Variants in CAMK2A observed in about 807,000 individuals in gnomAD.
CAMK2A encodes the protein calcium/calmodulin-dependent protein kinase type II subunit alpha.
CAMK2A carries 7 observed loss-of-function variants against 79.2 expected under a neutral mutation model. The observed-to-expected ratio is 0.09, with a 90% CI of 0.05 to 0.17. The LOEUF is 0.17. CAMK2A is among the 10% of genes least tolerant of loss of function. CAMK2A has a pLI of 1.00. For missense variants in CAMK2A, 214 were observed against 646.4 expected, an observed-to-expected ratio of 0.33 and a Z score of 7.25; for synonymous variants, 242 against 251.7, an observed-to-expected ratio of 0.96 and a Z score of 0.36.
Position 150,238,766 on chromosome 5 carries a change from G to A in CAMK2A, c.1018-18C>T. 1 of 1,593,032 alleles carries A rather than the reference G, an allele frequency of 6.3e-7. No individual in the cohort carries two copies. Among genetic ancestry groups the A allele is most frequent in the Non-Finnish European group, 8.6e-7 (1 of 1,167,714 alleles). ...GAGGATTCCTGCCAAAGAGAATACA[G>A]GAGATGGTGAGGCCTGCCTGGGAGC... On this transcript the variant is annotated intron_variant, in intron 14 of 18. Coordinates refer to ENST00000671881, the MANE Select transcript of CAMK2A (RefSeq NM_015981.4).
At chr5:150,272,224 A>G (rs1192419553) in intron 2 of CAMK2A, among the ~76,000 whole-genome samples, 1 of 152,108 alleles carries the variant, frequency 6.6e-6, no homozygotes, top group African/African-American at 2.4e-5. Flanking sequence ...AGTAAACAGG[A>G]TGAGTCTAGG....
intron 13 of CAMK2A, among the ~76,000 whole-genome samples, chr5:150,244,936 C>T (rs1420549226): frequency 1.3e-5 from 2 of 152,154 alleles, no homozygotes; most frequent in Non-Finnish European, 2.9e-5. Context: ...CACTTCCACC[C>T]TCCTCCAGTC....
intron 4 of CAMK2A, 89 bp downstream of exon 4, chr5:150,257,474 G>C (rs1002801386): frequency 1.6e-5 from 19 of 1,158,012 alleles, no homozygotes; most frequent in African/African-American, 6.1e-5. Context: ...GACCACAAGA[G>C]GGAATTCAGC....
intron 3 of CAMK2A, among the ~76,000 whole-genome samples, chr5:150,258,329 T>C (rs1281852553): frequency 6.6e-6 from 1 of 152,202 alleles, no homozygotes; most frequent in Non-Finnish European, 1.5e-5. Flanking sequence ...CCACATCCTG[T>C]CAGTCAAGAG....
chr5:150,287,729 G>A (rs978916687), intron 1 of CAMK2A, among the ~76,000 whole-genome samples: 2 of 152,090 alleles, frequency 1.3e-5, no homozygotes, highest in Non-Finnish European at 1.5e-5. Context: ...GGTTCTAGGC[G>A]AGCACTGGAA....
intron 1 of CAMK2A, among the ~76,000 whole-genome samples, chr5:150,286,355 G>A (rs1221676771): frequency 6.6e-6 from 1 of 152,184 alleles, no homozygotes; most frequent in African/African-American, 2.4e-5. Context: ...CCCAGTCACA[G>A]GTTCCCAGAG....
intron 12 of CAMK2A, 54 bp downstream of exon 12, chr5:150,247,718 C>A (rs761053449): frequency 1.4e-6 from 2 of 1,459,256 alleles, no homozygotes; most frequent in East Asian, 2.3e-5. Flanking sequence ...CAGGACGGTG[C>A]CCCCAACGAA....
chr5:150,231,423 A>G, intron 15 of CAMK2A, 43 bp from the exon 16 acceptor site: 1 of 675,908 alleles, frequency 1.5e-6, no homozygotes, highest in Non-Finnish European at 2.2e-6. Context: ...TAATAATAAT[A>G]ATAATAATAA....
intron 1 of CAMK2A, among the ~76,000 whole-genome samples, 165 bp downstream of exon 1, chr5:150,289,399 G>A (rs549922027): frequency 3.9e-5 from 6 of 152,214 alleles, no homozygotes; most frequent in African/African-American, 7.2e-5. Context: ...ACCCACGCCC[G>A]ACTCTGGACA....
At chr5:150,250,330 G>T (rs1342165240) in intron 10 of CAMK2A, 21 bp from the exon 11 acceptor site, 1 of 1,603,218 alleles carries the variant, frequency 6.2e-7, no homozygotes. Flanking sequence ...TAGGGGAGAG[G>T]GCTGTGAGTG....
chr5:150,262,461 G>C (rs1283235951), intron 3 of CAMK2A, among the ~76,000 whole-genome samples: 1 of 152,088 alleles, frequency 6.6e-6, no homozygotes, highest in Non-Finnish European at 1.5e-5. Flanking sequence ...AGCTCCTCTG[G>C]GGTCTTCCTG....
rs10069601 is a variant in CAMK2A at position 150,225,241 on chromosome 5, C to A, written c.1238-2024G>T. On this transcript the variant is annotated intron_variant, in intron 17 of 18. Coordinates refer to ENST00000671881, the MANE Select transcript of CAMK2A (RefSeq NM_015981.4). The stretch of plus-strand genomic sequence containing the variant: ...TGCTGCAGTCAGCAAGGGCTGGAGT[C>A]CTAGGAGGCATTTGTAAAGAAAAGC... 9.1e-3 allele frequency among the ~76,000 whole-genome samples: 1,378 copies of A among 152,162 alleles called. 27 individuals carry two copies. Among genetic ancestry groups the A allele is most frequent in the African/African-American group, 0.032 (1,311 of 41,512 alleles).
chr5:150,256,714 G>T lies in CAMK2A; in HGVS notation c.338+52C>A. On this transcript the variant is annotated intron_variant, in intron 5 of 18. Coordinates refer to ENST00000671881, the MANE Select transcript of CAMK2A (RefSeq NM_015981.4). This position sits in a 1 kb window ranked among gnomAD's most constrained non-coding sequence, Gnocchi z 4.6. The stretch of plus-strand genomic sequence containing the variant: ...GCCTCCCCTGGGAAGCTGACAGCAG[G>T]CAAGAGTGCCCTGTCCCCGGGTGCC... The T allele has an allele frequency of 1.2e-6, 2 of 1,607,804 alleles. No individual in the cohort carries two copies. The highest frequency in any genetic ancestry group is 1.7e-6 in the Non-Finnish European group (2 of 1,174,436).
rs1756048395 is a variant in CAMK2A at position 150,256,151 on chromosome 5, C to A, written c.411+422G>T. Reference sequence around the variant, plus strand: ...GGCCCCGTGCTATCTCATTTCATATCCTCACCAACCCTTTGCAGAGGTTGC... The same window carrying A: ...GGCCCCGTGCTATCTCATTTCATATACTCACCAACCCTTTGCAGAGGTTGC... On this transcript the variant is annotated intron_variant, in intron 6 of 18. Coordinates refer to ENST00000671881, the MANE Select transcript of CAMK2A (RefSeq NM_015981.4). This position sits in a 1 kb window ranked among gnomAD's most constrained non-coding sequence, Gnocchi z 4.6. Among the ~76,000 whole-genome samples the A allele has an allele frequency of 6.6e-6, 1 of 152,218 alleles. No individual in the cohort carries two copies. The highest frequency in any genetic ancestry group is 1.5e-5 in the Non-Finnish European group (1 of 68,046).
At chr5:150,238,292 A>G (rs756173751) in intron 15 of CAMK2A, 14 of 185,794 alleles carry the variant, frequency 7.5e-5, no homozygotes, top group Non-Finnish European at 1.2e-4. Flanking sequence ...CTCTACTAAA[A>G]ATACAAAAAA....
Position 150,277,362 on chromosome 5 carries a change from G to A in CAMK2A, c.63-4203C>T, listed in dbSNP as rs529407258. Reference sequence around the variant, plus strand: ...AGCCCAGCACTGCCCAACGCCTTCCGGGGAAGTCCTGCTGTGTATCCTGTC... The same window carrying A: ...AGCCCAGCACTGCCCAACGCCTTCCAGGGAAGTCCTGCTGTGTATCCTGTC... On this transcript the variant is annotated intron_variant, in intron 1 of 18. Coordinates refer to ENST00000671881, the MANE Select transcript of CAMK2A (RefSeq NM_015981.4). Among the ~76,000 whole-genome samples, 11 of 152,316 alleles carry A rather than the reference G, an allele frequency of 7.2e-5. No individual in the cohort carries two copies. The East Asian group carries it at 1.5e-3, about 21-fold the overall frequency.
chr5:150,250,587 T>G, intron 10 of CAMK2A, 101 bp downstream of exon 10: 1 of 1,494,532 alleles, frequency 6.7e-7, no homozygotes, highest in South Asian at 1.2e-5. Context: ...GATTAAGCCC[T>G]CTTGGCCCCA....
At chr5:150,285,152 G>A (rs1044478267) in intron 1 of CAMK2A, among the ~76,000 whole-genome samples, 2 of 152,160 alleles carry the variant, frequency 1.3e-5, no homozygotes, top group Non-Finnish European at 2.9e-5. Flanking sequence ...CCCAGATACG[G>A]CACCAGTCAC....
At chr5:150,287,662 G>A (rs1234189508) in intron 1 of CAMK2A, among the ~76,000 whole-genome samples, 1 of 152,112 alleles carries the variant, frequency 6.6e-6, no homozygotes, top group Non-Finnish European at 1.5e-5. Context: ...GTCCTGCCAG[G>A]ACCCAGTCTT....
Sources: gnomAD v4.1 joint callset for allele counts (sites outside exome capture counted in the v4.1 genomes callset) on GRCh38, gnomAD v4.1.1 for gene constraint, Gnocchi (gnomAD v3.1) non-coding constraint, MANE v1.5 for transcripts, NCBI Gene and HGNC (gene_info 2026-07-23, HGNC 2026-07-21) for gene names.